ITIH5: variants seen among roughly 807,000 people sequenced by gnomAD.
The protein encoded by ITIH5 is inter-alpha-trypsin inhibitor heavy chain 5.
Under a neutral mutation model 77.5 loss-of-function variants are expected in ITIH5, and 65 were observed. The ratio of observed to expected loss-of-function variants is 0.84; its 90% confidence interval spans 0.69 to 1.03. ITIH5 has a LOEUF of 1.03. Ranked by LOEUF, ITIH5 falls within the 50% of genes least tolerant of loss-of-function variation. The pLI, the probability that ITIH5 is intolerant of heterozygous loss-of-function variation, is 0.00. For missense variants in ITIH5, 1,208 were observed against 1,213.1 expected (o/e 1.00, Z 0.06); for synonymous variants, 525 against 494.3 (o/e 1.06, Z -0.82).
intron 5 of ITIH5, among the ~76,000 whole-genome samples, chr10:7,624,796 A>ATATATATATATATATACAC (rs201943945): frequency 1.6e-5 from 1 of 61,158 alleles, no homozygotes; most frequent in African/African-American, 8.1e-5. Context: ...AAAAAAAAAA[A>ATATATATATATATATACAC]AAATATATAT....
At chr10:7,644,256 T>TATATGTAC (rs1833933611) in intron 2 of ITIH5, among the ~76,000 whole-genome samples, 1 of 150,058 alleles carries the variant, frequency 6.7e-6, no homozygotes, top group African/African-American at 2.4e-5. Flanking sequence ...AATATATATA[T>TATATGTAC]ATATGTACAT....
At position 7,579,995 on chromosome 10, in the gene ITIH5, A is replaced by G. The variant is rs567701799; in HGVS notation, c.1178T>C (p.Ile393Thr). The change falls in exon 9 of 14, where the codon ATT (isoleucine) becomes ACT (threonine). Residue 393 changes from isoleucine to threonine, a missense_variant. Coordinates refer to ENST00000397146, the MANE Select transcript of ITIH5 (RefSeq NM_030569.7). ...LLNKYVAHSGIGDRSVSLIVF... is the reference protein window; with the variant it reads ...LLNKYVAHSGTGDRSVSLIVF... ...GATGAGGGACACGCTCCGGTCTCCAATGCCACTGTGGGCCACGTACTTGTT... is the reference window on the plus strand; with the variant it reads ...GATGAGGGACACGCTCCGGTCTCCAGTGCCACTGTGGGCCACGTACTTGTT... 13 of 1,613,960 alleles carry G rather than the reference A, an allele frequency of 8.1e-6. No individual in the cohort carries two copies. The East Asian group carries it at 2.7e-4, about 33-fold the overall frequency.
chr10:7,564,725 G>T (rs533673960), intron 13 of ITIH5, among the ~76,000 whole-genome samples: 1 of 151,432 alleles, frequency 6.6e-6, no homozygotes, highest in East Asian at 1.9e-4. Context: ...TGTGTGTGTC[G>T]GTGGGTGTGA....
At chr10:7,642,419 T>C (rs1231608365) in intron 2 of ITIH5, among the ~76,000 whole-genome samples, 2 of 152,222 alleles carry the variant, frequency 1.3e-5, no homozygotes, top group East Asian at 1.9e-4. Context: ...ATTTTAGAAG[T>C]AAAGTATGTG....
intron 7 of ITIH5, among the ~76,000 whole-genome samples, chr10:7,601,616 C>A (rs1390500253): frequency 6.6e-6 from 1 of 152,116 alleles, no homozygotes; most frequent in Admixed American, 6.5e-5. Flanking sequence ...CTCTGCATGA[C>A]CTGCTTCTGG....
intron 5 of ITIH5, chr10:7,619,671 G>C (rs924169685): frequency 1.1e-5 from 3 of 277,374 alleles, no homozygotes; most frequent in African/African-American, 4.4e-5. Context: ...GCAGGAGCGA[G>C]AGACAGAACT....
chr10:7,656,239 T>G (rs1353631887), intron 1 of ITIH5, among the ~76,000 whole-genome samples: 1 of 152,206 alleles, frequency 6.6e-6, no homozygotes, highest in Non-Finnish European at 1.5e-5. Flanking sequence ...TTTTTAGACA[T>G]GGCCTCGCTG....
chr10:7,614,589 C>A (rs1483198696), intron 7 of ITIH5, among the ~76,000 whole-genome samples: 4 of 151,906 alleles, frequency 2.6e-5, no homozygotes, highest in African/African-American at 7.3e-5. Context: ...AGACTGGATA[C>A]CCCGGCTCTG....
intron 1 of ITIH5, among the ~76,000 whole-genome samples, chr10:7,659,062 G>A (rs950446516): frequency 6.6e-6 from 1 of 152,124 alleles, no homozygotes; most frequent in African/African-American, 2.4e-5. Flanking sequence ...CTTCCTAGGA[G>A]TATATCGGTT....
chr10:7,664,760 CT>C (rs1358126399), intron 1 of ITIH5, among the ~76,000 whole-genome samples: 6 of 152,194 alleles, frequency 3.9e-5, no homozygotes, highest in Non-Finnish European at 8.8e-5. Flanking sequence ...TTTGCATAGA[CT>C]TACATTTTTC....
At position 7,559,751 on chromosome 10, in the gene ITIH5, G is replaced by A. The variant is rs1230606498; in HGVS notation, c.*3332C>T. 4.4e-6 allele frequency: 2 copies of A among 449,826 alleles called. No homozygotes were observed. The highest frequency in any genetic ancestry group is 8.9e-6 in the Non-Finnish European group (2 of 224,854). The allele number at this position is 449,826 out of a possible 1,614,324, so 27.9% of individuals were successfully genotyped here. On this transcript the variant is annotated 3_prime_UTR_variant, in exon 14 of 14. Transcript: ENST00000397146. ...AGATCAAGGTGCCAGCAGACATGGT[G>A]TCTGGTGAGGGCCGTCTTCCTGGCT...
chr10:7,629,248 T>A (rs202016884), intron 5 of ITIH5, among the ~76,000 whole-genome samples: 1 of 136,758 alleles, frequency 7.3e-6, no homozygotes, highest in African/African-American at 2.9e-5. Context: ...GTAGCGTGTG[T>A]CCATGTTGTA....
At chr10:7,583,241 A>G (rs1329725083) in intron 8 of ITIH5, among the ~76,000 whole-genome samples, 1 of 152,400 alleles carries the variant, frequency 6.6e-6, no homozygotes, top group South Asian at 2.1e-4. Context: ...GGCTATGTCC[A>G]TGACCAAATG....
At position 7,627,827 on chromosome 10, in the gene ITIH5, C is replaced by CTT. The variant is rs869139058; in HGVS notation, c.652+9399_652+9400dup. On this transcript the variant is annotated intron_variant, in intron 5 of 13. Transcript: ENST00000397146. ...GAATCTCACAGAACATGAAATTAAC[C>CTT]TTTTTTTTTTTTTTTTTTTTTTTTT... 3.8e-3 allele frequency among the ~76,000 whole-genome samples: 343 copies of CTT among 90,874 alleles called. 21 individuals carry two copies. Among genetic ancestry groups the CTT allele is most frequent in the African/African-American group, 7.2e-3 (145 of 20,274 alleles). 59.6% of individuals were successfully genotyped at this position (90,874 alleles called of 152,430 possible).
intron 7 of ITIH5, among the ~76,000 whole-genome samples, chr10:7,596,563 T>C (rs1194418098): frequency 6.6e-6 from 1 of 152,120 alleles, no homozygotes; most frequent in African/African-American, 2.4e-5. Flanking sequence ...TGAATCCAAG[T>C]TCAAGGGAAC....
chr10:7,586,112 A>G, intron 7 of ITIH5, 43 bp from the exon 8 acceptor site: 5 of 1,562,968 alleles, frequency 3.2e-6, no homozygotes, highest in Non-Finnish European at 4.3e-6. Context: ...CTGCTCACAT[A>G]AGTCCACTTG....
At chr10:7,563,704 T>C (rs1384994730) in intron 13 of ITIH5, among the ~76,000 whole-genome samples, 3 of 152,208 alleles carry the variant, frequency 2.0e-5, no homozygotes, top group Non-Finnish European at 4.4e-5. Flanking sequence ...AAGAGGGAAG[T>C]AGTGTTCCAT....
intron 13 of ITIH5, among the ~76,000 whole-genome samples, chr10:7,564,762 C>T (rs1564230360): frequency 1.3e-5 from 2 of 151,514 alleles, no homozygotes; most frequent in Admixed American, 6.6e-5. Context: ...CATACATACA[C>T]AGACTGTGTA....
At chr10:7,572,189 G>A (rs747734084) in intron 11 of ITIH5, 101 of 1,205,920 alleles carry the variant, frequency 8.4e-5, no homozygotes, top group African/African-American at 9.5e-5. Context: ...GCTCATCTCC[G>A]GGATGTCCCT....
Sources: gnomAD v4.1 joint callset for allele counts (sites outside exome capture counted in the v4.1 genomes callset) on GRCh38, gnomAD v4.1.1 for gene constraint, MANE v1.5 for transcripts, NCBI Gene and HGNC (gene_info 2026-07-23, HGNC 2026-07-21) for gene names.